ZNF597: variants seen among roughly 807,000 people sequenced by gnomAD.
ZNF597 encodes zinc finger protein 597.
A neutral mutation model predicts 7.3 loss-of-function variants in ZNF597; 5 were observed. The ratio of observed to expected loss-of-function variants is 0.68; its 90% CI spans 0.36 to 1.44. The LOEUF (loss-of-function observed/expected upper bound fraction) is 1.44. Ranked by LOEUF, ZNF597 falls within the 40% of genes most tolerant of loss-of-function variation. The pLI is 0.04. For missense variants in ZNF597, 585 were observed against 517.9 expected (o/e 1.13, Z -1.26); for synonymous variants, 209 against 185.4 (o/e 1.13, Z -1.04).
At chr16:3,442,689 AAG>A (rs1277939724) in intron 2 of ZNF597, among the ~76,000 whole-genome samples, 3 of 151,576 alleles carry the variant, frequency 2.0e-5, no homozygotes, top group Admixed American at 1.3e-4. Context: ...AAAAAAAAAA[AAG>A]AACTTTTAAA....
rs746788006 is a variant in ZNF597 at position 3,436,980 on chromosome 16, T to C, written c.719A>G (p.Tyr240Cys). The change falls in exon 4 of 4, where the codon TAT (tyrosine) becomes TGT (cysteine). Residue 240 changes from tyrosine (Y) to cysteine (C), a missense_variant. Coordinates refer to ENST00000301744, the MANE Select transcript of ZNF597 (RefSeq NM_152457.3). ...HMNSHVKEKPYTCSICGRGFM... is the reference protein window; with the variant it reads ...HMNSHVKEKPCTCSICGRGFM... ...ACCTCTACCACATATGCTACATGTA[T>C]AGGGCTTCTCCTTTACGTGGCTATT... 8 of 1,614,108 alleles carry C rather than the reference T, an allele frequency of 5.0e-6. No homozygotes were observed. The South Asian group carries it at 6.6e-5, about 13-fold the overall frequency.
intron 2 of ZNF597, among the ~76,000 whole-genome samples, chr16:3,441,537 T>G (rs1298923793): frequency 6.6e-6 from 1 of 151,688 alleles, no homozygotes; most frequent in African/African-American, 2.4e-5. Context: ...ATACAAAAAA[T>G]TAGCCAGGTG....
At chr16:3,440,743 A>T (rs1307825883) in intron 3 of ZNF597, 64 bp downstream of exon 3, 1 of 1,595,522 alleles carries the variant, frequency 6.3e-7, no homozygotes, top group Non-Finnish European at 8.5e-7. Flanking sequence ...CATCTGGATA[A>T]AGCATGAAGT....
At chr16:3,438,857 GA>G (rs951329896) in intron 3 of ZNF597, among the ~76,000 whole-genome samples, 1 of 152,054 alleles carries the variant, frequency 6.6e-6, no homozygotes, top group Admixed American at 6.6e-5. Context: ...AATACAAAAG[GA>G]ACTTTTCTTT....
intron 2 of ZNF597, among the ~76,000 whole-genome samples, chr16:3,442,602 G>A (rs552179619): frequency 1.1e-4 from 17 of 152,048 alleles, no homozygotes; most frequent in African/African-American, 4.1e-4. Flanking sequence ...ATGAACCCGG[G>A]AGGCGGAGCT....
In ZNF597 at chr16:3,437,086, T is replaced by C; in HGVS notation, c.613A>G (p.Ile205Val). 6.2e-7 allele frequency: 1 copy of C among 1,614,184 alleles called. No individual in the cohort carries two copies. Among genetic ancestry groups the C allele is most frequent in the South Asian group, 1.1e-5 (1 of 91,078 alleles). ...HRANLRTHRR[I>V]HTGEKPYKCA... ...TTATAAGGTTTCTCACCAGTATGGA[T>C]TCTCCTGTGTGTCCTCAGGTTGGCT... Residue 205 changes from isoleucine to valine, a missense_variant, in exon 4 of 4, where the codon ATC becomes GTC. Ile to Val is a conservative substitution (Grantham distance 29). Transcript: ENST00000301744.
At position 3,440,816 on chromosome 16, in the gene ZNF597, C is replaced by A; in HGVS notation, c.151G>T (p.Ala51Ser). 1 of 1,613,828 alleles carries A rather than the reference C, an allele frequency of 6.2e-7. No homozygotes were observed. Residue 51 changes from alanine (A) to serine (S), a missense_variant, in exon 3 of 4, where the codon GCT (alanine) becomes TCT (serine). Physicochemically the swap from Ala to Ser is moderately conservative, Grantham distance 99. Coordinates refer to ENST00000301744, the MANE Select transcript of ZNF597 (RefSeq NM_152457.3). The part of the protein sequence containing the change: ...DGTKESLEDA[A>S]LMGEEGKPEI... ...AAAACAATTGCCTTACCCATCAAAG[C>A]CGCATCCTCCAAAGACTCTTTTGTA...
In ZNF597 at chr16:3,433,341, C is replaced by T. The variant is rs2034271797; in HGVS notation, c.*3083G>A. On this transcript the variant is annotated 3_prime_UTR_variant, in exon 4 of 4. Transcript: ENST00000301744. ...GACGACTGTTTAAAAGACTGTTTAA[C>T]TATTCCAGCAATCATGTTAAGGAAC... 6.6e-6 allele frequency: 1 copy of T among 152,136 alleles called. No homozygotes were observed. The allele number at this position is 152,136 out of a possible 1,614,324, so 9.4% of individuals were successfully genotyped here.
At position 3,436,352 on chromosome 16, in the gene ZNF597, T is replaced by C. The variant is rs577799139; in HGVS notation, c.*72A>G. The stretch of plus-strand genomic sequence containing the variant: ...AGTGCTTAGCACATTGCCTGGGACA[T>C]ATACAGTAACTGCTTCCCACCATAC... On this transcript the variant is annotated 3_prime_UTR_variant, in exon 4 of 4. Transcript: ENST00000301744. 3 of 1,435,908 alleles carry C rather than the reference T, an allele frequency of 2.1e-6. No homozygotes were observed. The highest frequency in any genetic ancestry group is 2.9e-6 in the Non-Finnish European group (3 of 1,052,362). 88.9% of individuals were successfully genotyped at this position (1,435,908 alleles called of 1,614,324 possible). A position where few individuals can be genotyped will look rare whatever the true frequency, so the allele number is the denominator to read the frequency against.
chr16:3,441,458 G>A (rs1336387336), intron 2 of ZNF597, among the ~76,000 whole-genome samples: 5 of 152,318 alleles, frequency 3.3e-5, no homozygotes, highest in South Asian at 2.1e-4. Context: ...AGGTGGAGGC[G>A]AGTGGATCAC....
At position 3,436,391 on chromosome 16, in the gene ZNF597, C is replaced by G; in HGVS notation, c.*33G>C. On this transcript the variant is annotated 3_prime_UTR_variant, in exon 4 of 4. Coordinates refer to ENST00000301744, the MANE Select transcript of ZNF597 (RefSeq NM_152457.3). Reference sequence around the variant, plus strand: ...TTCCCACCATACAGATACTGAAAAGCCCAATCACTAATAACAATTTGTTAT... The same window carrying G: ...TTCCCACCATACAGATACTGAAAAGGCCAATCACTAATAACAATTTGTTAT... 6.3e-7 allele frequency: 1 copy of G among 1,591,816 alleles called. No homozygotes were observed. Among genetic ancestry groups the G allele is most frequent in the East Asian group, 2.2e-5 (1 of 44,736 alleles).
rs140727539 is a variant in ZNF597 at position 3,436,756 on chromosome 16, C to T, written c.943G>A (p.Glu315Lys). The T allele has an allele frequency of 3.7e-5, 59 of 1,613,748 alleles. No individual in the cohort carries two copies. In the East Asian group the frequency reaches 8.7e-4, roughly 24 times the overall value. ...FRQSLYPALSEKSHDEDSERC... is the reference protein window; with the variant it reads ...FRQSLYPALSKKSHDEDSERC... Reference sequence around the variant, plus strand: ...TCAGAGTCCTCGTCGTGGCTCTTCTCGGAAAGGGCAGGATATAAGGACTGC... The same window carrying T: ...TCAGAGTCCTCGTCGTGGCTCTTCTTGGAAAGGGCAGGATATAAGGACTGC... The change falls in exon 4 of 4, where the codon GAG becomes AAG. Residue 315 changes from glutamate to lysine, a missense_variant. Transcript: ENST00000301744.
chr16:3,437,857 G>A (rs1001013482), intron 3 of ZNF597, among the ~76,000 whole-genome samples: 3 of 152,190 alleles, frequency 2.0e-5, no homozygotes. Context: ...GGCCTCAAGA[G>A]CCTTTCATTT....
rs1415555178 is a variant in ZNF597 at position 3,434,896 on chromosome 16, T to C, written c.*1528A>G. 1.3e-5 allele frequency: 2 copies of C among 152,222 alleles called. No homozygotes were observed. Among genetic ancestry groups the C allele is most frequent in the Non-Finnish European group, 2.9e-5 (2 of 68,042 alleles). The allele number at this position is 152,222 out of a possible 1,614,324, so 9.4% of individuals were successfully genotyped here. A position where few individuals can be genotyped will look rare whatever the true frequency, so the allele number is the denominator to read the frequency against. On this transcript the variant is annotated 3_prime_UTR_variant, in exon 4 of 4. Transcript: ENST00000301744. ...ATCCTAATCAAAACCCATGTAAATATTGTTTTGCTGATAGGCATACAATCG... is the reference window on the plus strand; with the variant it reads ...ATCCTAATCAAAACCCATGTAAATACTGTTTTGCTGATAGGCATACAATCG...
rs747866171 is a variant in ZNF597, at chr16:3,437,154, T to A, written c.545A>T (p.Lys182Ile). ...VLHQKIHSGE[K>I]KHKCGDCGKI... ...TCCACAGTCACCACATTTATGTTTTTTCTCTCCTGAATGAATTTTCTGATG... is the reference window on the plus strand; with the variant it reads ...TCCACAGTCACCACATTTATGTTTTATCTCTCCTGAATGAATTTTCTGATG... The change falls in exon 4 of 4, where the codon AAA becomes ATA. Residue 182 changes from lysine (K) to isoleucine (I), a missense_variant. Physicochemically the swap from Lys to Ile is moderately radical, Grantham distance 102 (BLOSUM62 -3). Transcript: ENST00000301744. 6.2e-7 allele frequency: 1 copy of A among 1,614,222 alleles called. No homozygotes were observed. The highest frequency in any genetic ancestry group is 1.3e-5 in the African/African-American group (1 of 75,070).
In ZNF597 at chr16:3,436,492, C is replaced by A. The variant is rs751301431; in HGVS notation, c.1207G>T (p.Gly403Trp). Residue 403 changes from glycine to tryptophan, a missense_variant, in exon 4 of 4, where the codon GGG becomes TGG. By Grantham distance (184) the Gly-to-Trp change is radical. Coordinates refer to ENST00000301744, the MANE Select transcript of ZNF597 (RefSeq NM_152457.3). ...TGCAAATTCGACTTGAAAGTTTTCC[C>A]ACACACGGTACATTTAAAAGGTTCC... Reference protein sequence around the residue: ...LAEPFKCTVCGKTFKSNLHLI... With the variant: ...LAEPFKCTVCWKTFKSNLHLI... 5.0e-5 allele frequency: 80 copies of A among 1,614,066 alleles called. No individual in the cohort carries two copies. The highest frequency in any genetic ancestry group is 6.6e-5 in the Non-Finnish European group (78 of 1,180,044).
At position 3,436,626 on chromosome 16, in the gene ZNF597, G is replaced by A. The variant is rs962238643; in HGVS notation, c.1073C>T (p.Ser358Phe). 5.0e-6 allele frequency: 8 copies of A among 1,606,194 alleles called. No individual in the cohort carries two copies. Among genetic ancestry groups the A allele is most frequent in the Admixed American group, 1.7e-5 (1 of 58,150 alleles). The change falls in exon 4 of 4, where the codon TCC becomes TTC. Residue 358 changes from serine to phenylalanine, a missense_variant. Ser to Phe is a radical substitution (Grantham distance 155). Transcript: ENST00000301744. Reference protein sequence around the residue: ...MTFPCFSELISHQNIHTEERP... With the variant: ...MTFPCFSELIFHQNIHTEERP... ...TTCCTCTGTATGAATGTTCTGATGG[G>A]AAATAAGCTCAGAGAAACAAGGAAA... is the stretch of plus-strand genomic sequence containing the variant.
Position 3,440,810 on chromosome 16 carries a change from T to C in ZNF597, c.157A>G (p.Met53Val), listed in dbSNP as rs1190209415. ...TKESLEDAALMGEEGKPEINQ... is the reference protein window; with the variant it reads ...TKESLEDAALVGEEGKPEINQ... ...GCAGGAAAAACAATTGCCTTACCCA[T>C]CAAAGCCGCATCCTCCAAAGACTCT... The change falls in exon 3 of 4, where the codon ATG becomes GTG. Residue 53 changes from methionine (M) to valine (V), a missense_variant. Physicochemically the swap from Met to Val is conservative, Grantham distance 21 (BLOSUM62 1). Coordinates refer to ENST00000301744, the MANE Select transcript of ZNF597 (RefSeq NM_152457.3). 1.2e-6 allele frequency: 2 copies of C among 1,613,644 alleles called. No individual in the cohort carries two copies. Among genetic ancestry groups the C allele is most frequent in the South Asian group, 1.1e-5 (1 of 91,018 alleles).
intron 3 of ZNF597, among the ~76,000 whole-genome samples, chr16:3,439,572 G>A (rs1481657720): frequency 6.6e-6 from 1 of 151,814 alleles, no homozygotes; most frequent in Non-Finnish European, 1.5e-5. Context: ...TGCCTTAGCA[G>A]TAACTCAAAT....
Sources: gnomAD v4.1 joint callset for allele counts (sites outside exome capture counted in the v4.1 genomes callset) on GRCh38, gnomAD v4.1.1 for gene constraint, MANE v1.5 for transcripts, NCBI Gene and HGNC (gene_info 2026-07-23, HGNC 2026-07-21) for gene names.